KLRF2: variants seen among roughly 807,000 people sequenced by gnomAD.
KLRF2 encodes the protein killer cell lectin like receptor F2, also known as killer cell lectin-like receptor subfamily F member 2.
Under a neutral mutation model 25.3 loss-of-function variants are expected in KLRF2, and 28 were observed. That is an observed-to-expected ratio of 1.11 (90% confidence interval 0.82 to 1.52). KLRF2 has a LOEUF of 1.52. KLRF2 is among the 40% of genes most tolerant of loss of function. The probability of loss-of-function intolerance (pLI) is 0.00; values close to 1 mark genes in which losing one functional copy is unlikely to be tolerated. For synonymous variants in KLRF2, 73 were observed against 85.0 expected (o/e 0.86, Z 0.78); for missense variants, 265 against 245.8 (o/e 1.08, Z -0.52).
At chr12:9,884,129 T>G (rs2136993804) in intron 1 of KLRF2, among the ~76,000 whole-genome samples, 1 of 152,218 alleles carries the variant, frequency 6.6e-6, no homozygotes, top group South Asian at 2.1e-4. Flanking sequence ...TACATCCAAT[T>G]TATTCAAAAG....
At chr12:9,891,986 A>G (rs538578958) in intron 3 of KLRF2, among the ~76,000 whole-genome samples, 1 of 152,340 alleles carries the variant, frequency 6.6e-6, no homozygotes, top group African/African-American at 2.4e-5. Flanking sequence ...TATATACAAA[A>G]TACTAAATGA....
At chr12:9,891,521 A>G (rs1305517954) in intron 3 of KLRF2, among the ~76,000 whole-genome samples, 2 of 152,188 alleles carry the variant, frequency 1.3e-5, no homozygotes, top group Non-Finnish European at 2.9e-5. Context: ...TATTTCATCC[A>G]AGTGGCACAT....
At chr12:9,887,159 G>A (rs1862608132) in intron 2 of KLRF2, among the ~76,000 whole-genome samples, 1 of 152,012 alleles carries the variant, frequency 6.6e-6, no homozygotes, top group South Asian at 2.1e-4. Flanking sequence ...AATGAAAAAA[G>A]TAATATAAAC....
chr12:9,894,944 A>G (rs1862739928), intron 5 of KLRF2, among the ~76,000 whole-genome samples: 2 of 152,184 alleles, frequency 1.3e-5, no homozygotes, highest in South Asian at 4.1e-4. Flanking sequence ...TCATTTAAGG[A>G]AAACAACACA....
At chr12:9,888,045 A>G (rs1261379687) in intron 2 of KLRF2, among the ~76,000 whole-genome samples, 1 of 110,770 alleles carries the variant, frequency 9.0e-6, no homozygotes, top group Non-Finnish European at 1.8e-5. Context: ...ACAAAGCCAG[A>G]CCCTGTGTCA....
chr12:9,892,580 CTTT>C (rs66824753), intron 3 of KLRF2, among the ~76,000 whole-genome samples: 1 of 104,824 alleles, frequency 9.5e-6, no homozygotes, highest in Non-Finnish European at 1.8e-5. Flanking sequence ...TACAGAACTG[CTTT>C]TTTTTTTTTT....
chr12:9,885,138 A>G (rs1868135805), intron 2 of KLRF2, 106 bp downstream of exon 2: 3 of 367,518 alleles, frequency 8.2e-6, no homozygotes, highest in Non-Finnish European at 1.4e-5. Flanking sequence ...CAAAACTGGC[A>G]TATGTCATAT....
At chr12:9,891,969 C>A (rs1290140853) in intron 3 of KLRF2, among the ~76,000 whole-genome samples, 1 of 152,098 alleles carries the variant, frequency 6.6e-6, no homozygotes, top group African/African-American at 2.4e-5. Flanking sequence ...CAACAATAAG[C>A]ATTTATTATA....
chr12:9,890,986 A>G (rs1257385400), intron 3 of KLRF2, among the ~76,000 whole-genome samples: 1 of 151,084 alleles, frequency 6.6e-6, no homozygotes, highest in Non-Finnish European at 1.5e-5. Flanking sequence ...AAAGACTTTA[A>G]TTGCATTTGG....
At chr12:9,893,394 C>G in intron 4 of KLRF2, 35 bp from the exon 5 acceptor site, 4 of 1,064,630 alleles carry the variant, frequency 3.8e-6, no homozygotes, top group South Asian at 1.5e-5. Context: ...TTTTTTTAAA[C>G]AAATGAATGA....
chr12:9,893,609 C>G, intron 5 of KLRF2, 68 bp downstream of exon 5: 1 of 545,316 alleles, frequency 1.8e-6, no homozygotes, highest in Non-Finnish European at 3.0e-6. Context: ...AACTTCTTCA[C>G]TTTCCATTCT....
chr12:9,882,138 C>T (rs1267111272), intron 1 of KLRF2, among the ~76,000 whole-genome samples: 3 of 152,078 alleles, frequency 2.0e-5, no homozygotes, highest in Admixed American at 6.5e-5. Flanking sequence ...TTAATCTTTG[C>T]TCCTTAGGGC....
intron 2 of KLRF2, among the ~76,000 whole-genome samples, chr12:9,888,278 C>T (rs1042060760): frequency 1.3e-5 from 2 of 151,758 alleles, no homozygotes; most frequent in South Asian, 4.1e-4. Flanking sequence ...ATCACGAGGT[C>T]AGGAGATCGA....
chr12:9,887,686 C>G (rs923436575), intron 2 of KLRF2, among the ~76,000 whole-genome samples: 1 of 150,046 alleles, frequency 6.7e-6, no homozygotes, highest in Non-Finnish European at 1.5e-5. Context: ...AATAATGCAA[C>G]TAGGAAGCTG....
intron 2 of KLRF2, among the ~76,000 whole-genome samples, chr12:9,886,633 A>G (rs368193320): frequency 6.6e-6 from 1 of 152,256 alleles, no homozygotes; most frequent in East Asian, 1.9e-4. Flanking sequence ...AAATTTAAAA[A>G]TAACTTTTGA....
chr12:9,882,846 A>C (rs1425475804), intron 1 of KLRF2, among the ~76,000 whole-genome samples: 1 of 152,218 alleles, frequency 6.6e-6, no homozygotes, highest in Non-Finnish European at 1.5e-5. Context: ...TCTGGGCAGA[A>C]GCTTTTAGCC....
At chr12:9,892,602 G>A (rs1284925196) in intron 3 of KLRF2, among the ~76,000 whole-genome samples, 1 of 25,178 alleles carries the variant, frequency 4.0e-5, no homozygotes, top group Non-Finnish European at 9.2e-5. Flanking sequence ...TTTTTTTTTT[G>A]AGACAGAGTT....
At chr12:9,884,293 A>G (rs926448781) in intron 1 of KLRF2, among the ~76,000 whole-genome samples, 2 of 151,996 alleles carry the variant, frequency 1.3e-5, no homozygotes, top group African/African-American at 2.4e-5. Context: ...GATGTCATAT[A>G]AGCATCATTA....
At chr12:9,886,731 A>G (rs945628581) in intron 2 of KLRF2, among the ~76,000 whole-genome samples, 2 of 139,526 alleles carry the variant, frequency 1.4e-5, no homozygotes, top group African/African-American at 2.6e-5. Flanking sequence ...CTGTCGGTCT[A>G]TTTACACAGT....
Sources: gnomAD v4.1 joint callset for allele counts (sites outside exome capture counted in the v4.1 genomes callset) on GRCh38, gnomAD v4.1.1 for gene constraint, MANE v1.5 for transcripts, NCBI Gene and HGNC (gene_info 2026-07-23, HGNC 2026-07-21) for gene names.